Variants in DPF3 observed in about 807,000 individuals in gnomAD.
The protein encoded by DPF3 is zinc finger protein DPF3.
Under a neutral mutation model 56.8 loss-of-function variants are expected in DPF3, and 18 were observed. That is an observed-to-expected ratio of 0.32 (90% CI 0.22 to 0.47). The LOEUF (loss-of-function observed/expected upper bound fraction) is 0.47, where lower values mean the gene tolerates loss of function less well. DPF3 is among the 20% of genes least tolerant of loss of function. The pLI is 1.00. For missense variants in DPF3, 403 were observed against 488.8 expected, an observed-to-expected ratio of 0.82 and a Z score of 1.65; for synonymous variants, 188 against 180.2, an observed-to-expected ratio of 1.04 and a Z score of -0.35.
intron 7 of DPF3, among the ~76,000 whole-genome samples, chr14:72,680,085 G>A (rs1599351560): frequency 6.6e-6 from 1 of 152,224 alleles, no homozygotes; most frequent in Non-Finnish European, 1.5e-5. Flanking sequence ...GGCCCAGCGT[G>A]AAGCAGAGCC....
intron 6 of DPF3, among the ~76,000 whole-genome samples, chr14:72,714,041 G>T (rs942217370): frequency 6.6e-6 from 1 of 152,236 alleles, no homozygotes; most frequent in African/African-American, 2.4e-5. Context: ...TACCTTTGTC[G>T]GAGGGTTTTG....
chr14:72,761,673 T>A (rs757616852), intron 2 of DPF3, among the ~76,000 whole-genome samples: 28 of 151,310 alleles, frequency 1.9e-4, no homozygotes, highest in Non-Finnish European at 3.6e-4. Context: ...ACCATAAAAA[T>A]TAAAAAATTA....
At chr14:72,746,088 A>G (rs1303462306) in intron 3 of DPF3, among the ~76,000 whole-genome samples, 1 of 152,178 alleles carries the variant, frequency 6.6e-6, no homozygotes, top group Non-Finnish European at 1.5e-5. Context: ...CGTTTTGTAA[A>G]CGTCCACCCC....
At chr14:72,713,182 G>A (rs1246845036) in intron 6 of DPF3, among the ~76,000 whole-genome samples, 2 of 152,210 alleles carry the variant, frequency 1.3e-5, no homozygotes, top group African/African-American at 2.4e-5. Context: ...CCTCATCCTG[G>A]ACTAGAACTG....
chr14:72,790,809 C>A lies in DPF3; in HGVS notation c.33-18916G>T, dbSNP rs370322090. The stretch of plus-strand genomic sequence containing the variant: ...ATGTCCCCAGCCTTACTTCTCCCCC[C>A]TCAAGAGCCCCATCGCCTCTTTCTC... On this transcript the variant is annotated intron_variant, in intron 1 of 10. Transcript: ENST00000556509. 8.5e-5 allele frequency among the ~76,000 whole-genome samples: 13 copies of A among 152,194 alleles called. 1 individual carries two copies. The highest frequency in any genetic ancestry group is 7.2e-4 in the Admixed American group (11 of 15,290).
chr14:72,766,994 C>T (rs941996854), intron 2 of DPF3, among the ~76,000 whole-genome samples: 1 of 152,138 alleles, frequency 6.6e-6, no homozygotes, highest in African/African-American at 2.4e-5. Flanking sequence ...GGCCCTCCTC[C>T]TCCCAAGTAG....
At chr14:72,645,562 T>G (rs2803970) in intron 8 of DPF3, among the ~76,000 whole-genome samples, 4,129 of 152,210 alleles carry the variant, frequency 0.027, 149 homozygotes, top group African/African-American at 0.072. Flanking sequence ...TAATGATGGC[T>G]AATATTTTTT....
At chr14:72,736,445 G>A (rs1889897540) in intron 3 of DPF3, among the ~76,000 whole-genome samples, 1 of 152,176 alleles carries the variant, frequency 6.6e-6, no homozygotes. Context: ...TTTTACTGTG[G>A]TTCTTAATGT....
At chr14:72,837,016 C>T (rs533439869) in intron 1 of DPF3, among the ~76,000 whole-genome samples, 5 of 152,070 alleles carry the variant, frequency 3.3e-5, no homozygotes, top group African/African-American at 9.6e-5. Flanking sequence ...ATTACAGGCG[C>T]GCACCACCAC....
At chr14:72,829,750 T>A (rs562043029) in intron 1 of DPF3, among the ~76,000 whole-genome samples, 30 of 151,702 alleles carry the variant, frequency 2.0e-4, no homozygotes, top group South Asian at 1.0e-3. Context: ...CAATCCAAGA[T>A]AATTTTTTTT....
rs533793531 is a variant in DPF3 at position 72,611,518 on chromosome 14, C to A, written c.*7779G>T. Reference sequence around the variant, plus strand: ...CAATCTGTACTTGAAGCCCCCACCCCCCCAGTCCCGCTCTCTGCTTTCTCT... The same window carrying A: ...CAATCTGTACTTGAAGCCCCCACCCACCCAGTCCCGCTCTCTGCTTTCTCT... On this transcript the variant is annotated 3_prime_UTR_variant, in exon 11 of 11. Coordinates refer to ENST00000556509, the MANE Select transcript of DPF3 (RefSeq NM_001280542.3). Among the ~76,000 whole-genome samples the A allele has an allele frequency of 6.6e-6, 1 of 152,154 alleles. No homozygotes were observed. The highest frequency in any genetic ancestry group is 1.9e-4 in the East Asian group (1 of 5,172).
chr14:72,781,296 G>A (rs1891959801), intron 1 of DPF3, among the ~76,000 whole-genome samples: 1 of 152,176 alleles, frequency 6.6e-6, no homozygotes, highest in South Asian at 2.1e-4. Flanking sequence ...CCTGGTCAAG[G>A]CAAATGTATG....
chr14:72,613,762 CAG>C lies in DPF3; in HGVS notation c.*5533_*5534del, dbSNP rs1174586100. 6.6e-6 allele frequency among the ~76,000 whole-genome samples: 1 copy of C among 152,208 alleles called. No homozygotes were observed. Among genetic ancestry groups the C allele is most frequent in the African/African-American group, 2.4e-5 (1 of 41,450 alleles). On this transcript the variant is annotated 3_prime_UTR_variant, in exon 11 of 11. Transcript: ENST00000556509. ...CTGGCAAGCCCGGACCCCTCCTCCTCAGAGTTTCCTGACAGCTCTTCCTTTGG... is the reference window on the plus strand; with the variant it reads ...CTGGCAAGCCCGGACCCCTCCTCCTCAGTTTCCTGACAGCTCTTCCTTTGG...
chr14:72,702,765 G>C (rs1305848898), intron 6 of DPF3, among the ~76,000 whole-genome samples: 2 of 152,146 alleles, frequency 1.3e-5, no homozygotes, highest in African/African-American at 4.8e-5. Flanking sequence ...ACTTCCAAAA[G>C]CCACCTGCTC....
intron 8 of DPF3, among the ~76,000 whole-genome samples, chr14:72,653,361 C>T (rs1014593631): frequency 2.0e-5 from 3 of 152,244 alleles, no homozygotes; most frequent in African/African-American, 4.8e-5. Flanking sequence ...CCAGTGCACA[C>T]TCCTCACACA....
intron 7 of DPF3, among the ~76,000 whole-genome samples, chr14:72,686,556 C>T (rs1887419886): frequency 6.6e-6 from 1 of 152,214 alleles, no homozygotes; most frequent in South Asian, 2.1e-4. Context: ...GCCACAGGGT[C>T]AAGGATGTAG....
chr14:72,708,662 C>T (rs954882330), intron 6 of DPF3, among the ~76,000 whole-genome samples: 1 of 152,268 alleles, frequency 6.6e-6, no homozygotes, highest in Admixed American at 6.5e-5. Flanking sequence ...GGGGTAAAAC[C>T]AGGGTAGTTT....
chr14:72,621,311 C>A (rs1884428676), intron 9 of DPF3, among the ~76,000 whole-genome samples: 1 of 152,160 alleles, frequency 6.6e-6, no homozygotes, highest in Non-Finnish European at 1.5e-5. Context: ...CATACAGGAG[C>A]TGCTCGGAAA....
chr14:72,759,839 G>A lies in DPF3; in HGVS notation c.194-6468C>T, dbSNP rs114461344. ...GAACATTCTTATCTTTGCAATGCAA[G>A]CAAGAAAAGAGTGGTTCAACATCCC... On this transcript the variant is annotated intron_variant, in intron 2 of 10. Coordinates refer to ENST00000556509, the MANE Select transcript of DPF3 (RefSeq NM_001280542.3). Among the ~76,000 whole-genome samples, 621 of 152,096 alleles carry A rather than the reference G, an allele frequency of 4.1e-3. 9 individuals carry two copies. Among genetic ancestry groups the A allele is most frequent in the African/African-American group, 0.014 (599 of 41,512 alleles).
Sources: gnomAD v4.1 joint callset for allele counts (sites outside exome capture counted in the v4.1 genomes callset) on GRCh38, gnomAD v4.1.1 for gene constraint, MANE v1.5 for transcripts, NCBI Gene and HGNC (gene_info 2026-07-23, HGNC 2026-07-21) for gene names.